The following EPHA3 variants were observed in gnomAD, a reference collection of about 807,000 sequenced individuals.
EPHA3 encodes ephrin type-A receptor 3.
In EPHA3, 42 loss-of-function variants were observed where a neutral mutation model predicts 107.1. The observed-to-expected ratio is 0.39, with a 90% confidence interval of 0.31 to 0.51. The LOEUF is 0.51. Ranked by LOEUF, EPHA3 falls within the 20% of genes least tolerant of loss-of-function variation. The pLI is 0.78. For missense variants in EPHA3, 1,183 were observed against 1,211.2 expected (o/e 0.98, Z 0.35); for synonymous variants, 461 against 424.8 (o/e 1.09, Z -1.05).
At chr3:89,163,835 A>T (rs758412881) in intron 2 of EPHA3, among the ~76,000 whole-genome samples, 2 of 152,166 alleles carry the variant, frequency 1.3e-5, no homozygotes, top group Non-Finnish European at 2.9e-5. Flanking sequence ...AGGAAGAGAC[A>T]CAAAAACCCA....
chr3:89,208,637 C>G (rs1424992196), intron 2 of EPHA3, among the ~76,000 whole-genome samples: 1 of 151,626 alleles, frequency 6.6e-6, no homozygotes, highest in East Asian at 1.9e-4. Context: ...GAAGATTCCA[C>G]AAGTTCCACA....
intron 13 of EPHA3, among the ~76,000 whole-genome samples, chr3:89,439,631 T>C (rs778062208): frequency 8.6e-5 from 13 of 151,856 alleles, no homozygotes; most frequent in Non-Finnish European, 1.9e-4. Context: ...AATTAGAGAT[T>C]TTAAAAACTG....
chr3:89,322,898 T>A lies in EPHA3; in HGVS notation c.815-18018T>A, dbSNP rs113133856. On this transcript the variant is annotated intron_variant, in intron 3 of 16. Coordinates refer to ENST00000336596, the MANE Select transcript of EPHA3 (RefSeq NM_005233.6). Reference sequence around the variant, plus strand: ...ATTTGTTAAGTTATCTAGACATAGTTTATCTATGGAAATCTCTAGGCTCAT... The same window carrying A: ...ATTTGTTAAGTTATCTAGACATAGTATATCTATGGAAATCTCTAGGCTCAT... Among the ~76,000 whole-genome samples the A allele has an allele frequency of 5.1e-3, 770 of 152,222 alleles. 5 individuals are homozygous for A. Among genetic ancestry groups the A allele is most frequent in the African/African-American group, 0.018 (738 of 41,558 alleles).
At chr3:89,156,579 T>C (rs1460336655) in intron 2 of EPHA3, among the ~76,000 whole-genome samples, 1 of 152,030 alleles carries the variant, frequency 6.6e-6, no homozygotes, top group Non-Finnish European at 1.5e-5. Context: ...TTGTTTTTAT[T>C]CCACTGTTAG....
chr3:89,125,549 A>G (rs1263509169), intron 1 of EPHA3, among the ~76,000 whole-genome samples: 2 of 151,682 alleles, frequency 1.3e-5, no homozygotes, highest in African/African-American at 4.8e-5. Flanking sequence ...ATATCCTGGG[A>G]AATAATTCAA....
chr3:89,416,235 T>C (rs1228544037), intron 10 of EPHA3, among the ~76,000 whole-genome samples: 1 of 151,362 alleles, frequency 6.6e-6, no homozygotes, highest in Admixed American at 6.6e-5. Flanking sequence ...CTTATAAATA[T>C]ACCTATTTCA....
intron 3 of EPHA3, among the ~76,000 whole-genome samples, chr3:89,334,683 GTC>G (rs1258908193): frequency 1.3e-5 from 2 of 152,176 alleles, no homozygotes; most frequent in African/African-American, 4.8e-5. Flanking sequence ...AATAACTCCT[GTC>G]TCTGTATGGC....
chr3:89,406,539 G>T (rs1709058524), intron 7 of EPHA3, among the ~76,000 whole-genome samples: 1 of 152,080 alleles, frequency 6.6e-6, no homozygotes, highest in Admixed American at 6.6e-5. Flanking sequence ...AATGATTGTG[G>T]CTATATTCCA....
Position 89,245,057 on chromosome 3 carries a change from C to G in EPHA3, c.814+34537C>G, listed in dbSNP as rs556118735. ...TTGAAGAAACATTTAAAAAAATTACCAAACCAGCGGTTTGTTTGCAATGGT... is the reference window on the plus strand; with the variant it reads ...TTGAAGAAACATTTAAAAAAATTACGAAACCAGCGGTTTGTTTGCAATGGT... On this transcript the variant is annotated intron_variant, in intron 3 of 16. Coordinates refer to ENST00000336596, the MANE Select transcript of EPHA3 (RefSeq NM_005233.6). Among the ~76,000 whole-genome samples, 38 of 152,204 alleles carry G rather than the reference C, an allele frequency of 2.5e-4. No individual in the cohort carries two copies. In the South Asian group the frequency reaches 7.3e-3, roughly 29 times the overall value.
intron 3 of EPHA3, among the ~76,000 whole-genome samples, chr3:89,334,507 A>T (rs563826727): frequency 2.8e-4 from 43 of 152,342 alleles, no homozygotes; most frequent in African/African-American, 9.9e-4. Context: ...GGCTAAGAAG[A>T]GTCTTTAGAG....
chr3:89,300,476 AACAC>A (rs1348494531), intron 3 of EPHA3, among the ~76,000 whole-genome samples: 1 of 151,804 alleles, frequency 6.6e-6, no homozygotes, highest in Non-Finnish European at 1.5e-5. Context: ...TAAACACACA[AACAC>A]ACACACAAAC....
chr3:89,416,896 A>G (rs551280482), intron 10 of EPHA3, among the ~76,000 whole-genome samples: 5 of 151,500 alleles, frequency 3.3e-5, no homozygotes, highest in African/African-American at 1.2e-4. Flanking sequence ...CTTTACAAAT[A>G]TATGTCCAGT....
intron 2 of EPHA3, among the ~76,000 whole-genome samples, chr3:89,164,664 A>G (rs1559759512): frequency 6.6e-6 from 1 of 152,030 alleles, no homozygotes; most frequent in Non-Finnish European, 1.5e-5. Context: ...TTTTATGGAG[A>G]AAAAAGATTA....
chr3:89,204,710 A>G (rs759782174), intron 2 of EPHA3, among the ~76,000 whole-genome samples: 1 of 151,954 alleles, frequency 6.6e-6, no homozygotes, highest in Non-Finnish European at 1.5e-5. Context: ...TTGTAGATAT[A>G]TTTGTGCGTG....
intron 2 of EPHA3, 124 bp downstream of exon 2, chr3:89,127,397 G>A (rs1704117365): frequency 1.5e-6 from 1 of 670,588 alleles, no homozygotes; most frequent in Non-Finnish European, 2.5e-6. Context: ...ACTTATAGGA[G>A]TATTCAATAT....
At chr3:89,153,546 A>G (rs1173357474) in intron 2 of EPHA3, among the ~76,000 whole-genome samples, 1 of 151,728 alleles carries the variant, frequency 6.6e-6, no homozygotes, top group African/African-American at 2.4e-5. Flanking sequence ...CACTTTGATT[A>G]TTTTCCTTCT....
At chr3:89,373,964 C>G (rs890118314) in intron 5 of EPHA3, among the ~76,000 whole-genome samples, 1 of 151,664 alleles carries the variant, frequency 6.6e-6, no homozygotes, top group African/African-American at 2.4e-5. Context: ...GAGATAGGTG[C>G]TATTCAATAC....
rs559176921 is a variant in EPHA3 at position 89,264,934 on chromosome 3, G to C, written c.814+54414G>C. 2.0e-5 allele frequency among the ~76,000 whole-genome samples: 3 copies of C among 151,874 alleles called. No homozygotes were observed. The South Asian group carries it at 6.2e-4, about 32-fold the overall frequency. On this transcript the variant is annotated intron_variant, in intron 3 of 16. Transcript: ENST00000336596. ...TAAATATTTTTCATTAATTTTTGTG[G>C]GTATATAGTAGGTGAATATATTTAT...
intron 2 of EPHA3, among the ~76,000 whole-genome samples, chr3:89,147,773 CTAG>C (rs1438649175): frequency 6.6e-6 from 1 of 151,714 alleles, no homozygotes; most frequent in African/African-American, 2.4e-5. Context: ...TCAAAAGATG[CTAG>C]TATGAAGGTG....
Sources: gnomAD v4.1 joint callset for allele counts (sites outside exome capture counted in the v4.1 genomes callset) on GRCh38, gnomAD v4.1.1 for gene constraint, MANE v1.5 for transcripts, NCBI Gene and HGNC (gene_info 2026-07-23, HGNC 2026-07-21) for gene names.